The following IFI16 variants were observed in gnomAD, a reference collection of about 807,000 sequenced individuals.
IFI16 encodes the protein interferon gamma inducible protein 16.
IFI16 carries 49 observed loss-of-function variants against 68.4 expected under a neutral mutation model. That is an observed-to-expected ratio of 0.72 (90% CI 0.57 to 0.91). The LOEUF is 0.91. IFI16 is among the 40% of genes least tolerant of loss of function. IFI16 has a pLI of 0.00. For missense variants in IFI16, 878 were observed against 942.9 expected, an observed-to-expected ratio of 0.93 and a Z score of 0.90; for synonymous variants, 307 against 315.0, an observed-to-expected ratio of 0.97 and a Z score of 0.27.
intron 7 of IFI16, among the ~76,000 whole-genome samples, chr1:159,033,579 G>T (rs1654138073): frequency 6.6e-6 from 1 of 152,154 alleles, no homozygotes; most frequent in Non-Finnish European, 1.5e-5. Flanking sequence ...AATTCACAGA[G>T]AAGAAAATAG....
intron 7 of IFI16, among the ~76,000 whole-genome samples, chr1:159,034,808 T>G (rs2101880279): frequency 6.6e-6 from 1 of 152,308 alleles, no homozygotes; most frequent in South Asian, 2.1e-4. Context: ...GGAGTAATTT[T>G]CTCCTTTTAT....
upstream of IFI16, among the ~76,000 whole-genome samples, chr1:159,002,738 A>G (rs780502002): frequency 6.6e-6 from 1 of 152,198 alleles, no homozygotes; most frequent in Non-Finnish European, 1.5e-5. Flanking sequence ...TACTCCTACC[A>G]CCTAGAGTAG....
chr1:159,032,677 A>C lies in IFI16; in HGVS notation c.1315A>C (p.Ser439Arg). 2 of 1,593,582 alleles carry C rather than the reference A, an allele frequency of 1.3e-6. No individual in the cohort carries two copies. The highest frequency in any genetic ancestry group is 1.7e-6 in the Non-Finnish European group (2 of 1,172,944). ...GATGCCACCAACAACTCCATCCAGC[A>C]GTTTCTTCACCAAGGTACAATTTCC... ...PQMPPTTPSS[S>R]FFTKKSEDTI... Residue 439 changes from serine to arginine, a missense_variant, in exon 7 of 12, where the codon AGT (serine) becomes CGT (arginine). Transcript: ENST00000295809.
At chr1:159,010,342 A>T (rs1279105741) in intron 1 of IFI16, among the ~76,000 whole-genome samples, 181 bp downstream of exon 1, 1 of 152,218 alleles carries the variant, frequency 6.6e-6, no homozygotes, top group Non-Finnish European at 1.5e-5. Context: ...TAGGAAGATA[A>T]CAGGCATCTT....
intron 6 of IFI16, among the ~76,000 whole-genome samples, chr1:159,023,294 A>ACTT (rs916081374): frequency 2.6e-5 from 4 of 152,122 alleles, no homozygotes; most frequent in Admixed American, 6.6e-5. Flanking sequence ...TATGACACAA[A>ACTT]CTTCTTTTTT....
intron 8 of IFI16, among the ~76,000 whole-genome samples, chr1:159,047,842 C>G (rs1383409251): frequency 6.6e-6 from 1 of 150,678 alleles, no homozygotes; most frequent in African/African-American, 2.4e-5. Flanking sequence ...TATGCTGTTA[C>G]GTATCCTGAA....
At chr1:159,001,637 A>G (rs1203930086), upstream of IFI16, among the ~76,000 whole-genome samples, 4 of 152,160 alleles carry the variant, frequency 2.6e-5, no homozygotes, top group South Asian at 6.2e-4. Context: ...CTGAGCATCT[A>G]TTATATGCTA....
chr1:159,049,026 T>G (rs1252362481), intron 8 of IFI16, among the ~76,000 whole-genome samples: 1 of 150,704 alleles, frequency 6.6e-6, no homozygotes, highest in South Asian at 2.1e-4. Flanking sequence ...TGAAGAGCAC[T>G]TGAGAGAGAC....
intron 7 of IFI16, among the ~76,000 whole-genome samples, chr1:159,041,524 G>A (rs1654639404): frequency 6.6e-6 from 1 of 152,162 alleles, no homozygotes; most frequent in African/African-American, 2.4e-5. Context: ...CATTTGATGA[G>A]ACAGGTTTAC....
chr1:159,043,805 T>C (rs1654812166), intron 7 of IFI16, among the ~76,000 whole-genome samples: 2 of 152,274 alleles, frequency 1.3e-5, no homozygotes, highest in East Asian at 3.8e-4. Context: ...ACAAAGATTA[T>C]AATTTCATCA....
chr1:159,011,202 G>C (rs916779040), intron 1 of IFI16, among the ~76,000 whole-genome samples: 2 of 152,038 alleles, frequency 1.3e-5, no homozygotes, highest in African/African-American at 4.8e-5. Context: ...TGGCCAGCAT[G>C]GCGAAACCCT....
At chr1:159,023,033 T>TA (rs1208559964) in intron 6 of IFI16, among the ~76,000 whole-genome samples, 1 of 152,184 alleles carries the variant, frequency 6.6e-6, no homozygotes, top group African/African-American at 2.4e-5. Flanking sequence ...TTGTATAAAA[T>TA]TTCAAAGGCA....
intron 7 of IFI16, among the ~76,000 whole-genome samples, chr1:159,036,005 AG>A (rs1263308372): frequency 2.0e-5 from 3 of 152,194 alleles, no homozygotes; most frequent in Non-Finnish European, 4.4e-5. Context: ...TGAATAGAGA[AG>A]TCTCTTTAAT....
chr1:159,010,424 T>TCCGAG (rs1215519802), intron 1 of IFI16, among the ~76,000 whole-genome samples: 2 of 152,178 alleles, frequency 1.3e-5, no homozygotes, highest in Non-Finnish European at 2.9e-5. Context: ...AAATTAATTA[T>TCCGAG]CCGAGTGTAT....
intron 6 of IFI16, among the ~76,000 whole-genome samples, chr1:159,022,839 G>A (rs1382125231): frequency 6.6e-6 from 1 of 152,102 alleles, no homozygotes; most frequent in Non-Finnish European, 1.5e-5. Flanking sequence ...AATTAGATGG[G>A]GAGGAAAGTT....
chr1:159,015,815 G>A (rs374897087), intron 2 of IFI16, 57 bp from the exon 3 acceptor site: 34 of 1,296,326 alleles, frequency 2.6e-5, no homozygotes, highest in Non-Finnish European at 3.5e-5. Flanking sequence ...GTCGGAGATC[G>A]TTTATATGTC....
In IFI16 at chr1:159,051,670, C is replaced by T; in HGVS notation, c.1666-9C>T. On this transcript the variant is annotated splice_polypyrimidine_tract_variant and intron_variant, in intron 9 of 11. Coordinates refer to ENST00000295809, the MANE Select transcript of IFI16 (RefSeq NM_001376587.1). ...AATTGTGCCTATGTTTTGGTCTCTACCTTCTAAGTTGAAACCAAGACTGAA... is the reference window on the plus strand; with the variant it reads ...AATTGTGCCTATGTTTTGGTCTCTATCTTCTAAGTTGAAACCAAGACTGAA... 6.2e-7 allele frequency: 1 copy of T among 1,602,594 alleles called. No individual in the cohort carries two copies. The highest frequency in any genetic ancestry group is 8.5e-7 in the Non-Finnish European group (1 of 1,173,124).
chr1:159,005,773 A>T (rs1652231504), upstream of IFI16, among the ~76,000 whole-genome samples: 1 of 152,214 alleles, frequency 6.6e-6, no homozygotes, highest in Non-Finnish European at 1.5e-5. Context: ...TGGCACCAAG[A>T]TGACTGCTGC....
At chr1:159,030,161 T>TGGAG (rs1653915469) in intron 6 of IFI16, among the ~76,000 whole-genome samples, 1 of 134,358 alleles carries the variant, frequency 7.4e-6, no homozygotes. Context: ...GATTTTTTTT[T>TGGAG]ATGCTCTCTA....
Sources: gnomAD v4.1 joint callset for allele counts (sites outside exome capture counted in the v4.1 genomes callset) on GRCh38, gnomAD v4.1.1 for gene constraint, MANE v1.5 for transcripts, NCBI Gene and HGNC (gene_info 2026-07-23, HGNC 2026-07-21) for gene names.